The following ERICH1 variants were observed in gnomAD, a reference collection of about 807,000 sequenced individuals.
The protein encoded by ERICH1 is glutamate rich 1.
ERICH1 carries 56 observed loss-of-function variants against 39.6 expected under a neutral mutation model. The observed-to-expected ratio is 1.41, with a 90% CI of 1.14 to 1.77. The LOEUF is 1.77. Ranked by LOEUF, ERICH1 falls within the 40% of genes most tolerant of loss-of-function variation. The pLI, the probability that ERICH1 is intolerant of heterozygous loss-of-function variation, is 0.00. For missense variants in ERICH1, 826 were observed against 575.4 expected (o/e 1.44, Z -4.45); for synonymous variants, 313 against 223.6 (o/e 1.40, Z -3.57).
At chr8:702,053 G>A (rs994860437) in intron 2 of ERICH1, among the ~76,000 whole-genome samples, 8 of 139,252 alleles carry the variant, frequency 5.7e-5, no homozygotes, top group South Asian at 4.6e-4. Flanking sequence ...CTCCAGCCTC[G>A]GTGACAGAGC....
chr8:708,691 T>TGTTG (rs55817321), intron 2 of ERICH1, among the ~76,000 whole-genome samples: 3 of 89,322 alleles, frequency 3.4e-5, no homozygotes, highest in African/African-American at 5.0e-5. Context: ...GTTTTTTTTT[T>TGTTG]TTTTTTTTTT....
intron 3 of ERICH1, among the ~76,000 whole-genome samples, chr8:683,960 G>A (rs987283395): frequency 6.6e-6 from 1 of 152,160 alleles, no homozygotes; most frequent in African/African-American, 2.4e-5. Context: ...GATTAGTTTT[G>A]AATAGGCTTG....
intron 3 of ERICH1, chr8:691,064 G>C (rs950693728): frequency 6.6e-6 from 1 of 152,338 alleles, no homozygotes. Flanking sequence ...GCAGCTGCAA[G>C]GCTGTGCTTG....
chr8:722,618 T>G (rs1817588285), intron 1 of ERICH1, among the ~76,000 whole-genome samples: 1 of 152,222 alleles, frequency 6.6e-6, no homozygotes, highest in Admixed American at 6.5e-5. Flanking sequence ...GTTGCTGAAT[T>G]TAAAATCTAA....
Position 668,734 on chromosome 8 carries a change from G to C in ERICH1, c.1122C>G (p.Asp374Glu). 1.2e-6 allele frequency: 2 copies of C among 1,613,734 alleles called. No homozygotes were observed. The highest frequency in any genetic ancestry group is 1.7e-6 in the Non-Finnish European group (2 of 1,179,892). ...ALADAAEELL[D>E]RLASHSMLPS... ...GCAGCATGCTGTGTGACGCAAGGCG[G>C]TCCAGCAGCTCCTCAGCGGCATCTG... The change falls in exon 5 of 6, where the codon GAC becomes GAG. Residue 374 changes from aspartate (D) to glutamate (E), a missense_variant. Asp to Glu is a conservative substitution (Grantham distance 45). Transcript: ENST00000262109.
rs1801882912 is a variant in ERICH1 at position 664,423 on chromosome 8, T to C, written c.*180A>G. 1.6e-6 allele frequency: 2 copies of C among 1,251,914 alleles called. No homozygotes were observed. The highest frequency in any genetic ancestry group is 7.7e-5 in the Admixed American group (2 of 26,096). The allele number at this position is 1,251,914 out of a possible 1,614,324, so 77.6% of individuals were successfully genotyped here. ...GCAAATAAGTGAAAAATTTCCATTT[T>C]ACCCCAATTTCTCATCTGAAGCCTC... On this transcript the variant is annotated 3_prime_UTR_variant, in exon 6 of 6. Transcript: ENST00000262109.
At chr8:726,055 C>A (rs192926202) in intron 1 of ERICH1, among the ~76,000 whole-genome samples, 5 of 152,182 alleles carry the variant, frequency 3.3e-5, no homozygotes, top group African/African-American at 1.2e-4. Context: ...TGACTCCTGT[C>A]CAGTTCTGCA....
intron 3 of ERICH1, among the ~76,000 whole-genome samples, chr8:688,720 G>A (rs567668254): frequency 6.6e-6 from 1 of 152,168 alleles, no homozygotes; most frequent in Non-Finnish European, 1.5e-5. Flanking sequence ...ACCACAAACT[G>A]GAGGTCAAAG....
intron 3 of ERICH1, among the ~76,000 whole-genome samples, chr8:684,834 A>C (rs1209586758): frequency 6.6e-6 from 1 of 152,190 alleles, no homozygotes; most frequent in Non-Finnish European, 1.5e-5. Context: ...AGCGATTTTC[A>C]AAGGGGAGGG....
Position 644,443 on chromosome 8 carries a change from G to A in ERICH1, c.976+24155C>T, listed in dbSNP as rs1186705148. Among the ~76,000 whole-genome samples the A allele has an allele frequency of 7.9e-4, 12 of 15,252 alleles. 5 individuals are homozygous for A. The highest frequency in any genetic ancestry group is 6.3e-3 in the Admixed American group (12 of 1,898). 10.0% of individuals were successfully genotyped at this position (15,252 alleles called of 152,430 possible). On this transcript the variant is annotated intron_variant, in intron 3 of 3. Transcript: ENST00000522706. ...TTACTATGAAAGAGGAGACTTACCC[G>A]TGAGAGTCAAATAGCACAACCCATT...
In ERICH1 at chr8:620,295, G is replaced by C. The variant is rs554642913; in HGVS notation, c.977-5011C>G. ...CCACTGCACTCCAGCCTGGGCAACA[G>C]AGTGAGACTCTGTCTCAAAAAATAA... On this transcript the variant is annotated intron_variant, in intron 3 of 3. Coordinates refer to the ERICH1 transcript ENST00000522706. Among the ~76,000 whole-genome samples, 8 of 152,304 alleles carry C rather than the reference G, an allele frequency of 5.3e-5. No homozygotes were observed. The East Asian group carries it at 7.7e-4, about 15-fold the overall frequency.
chr8:702,165 TGGTAAGACAAGCTCCGCAGAAACACG>T (rs970742271), intron 2 of ERICH1, among the ~76,000 whole-genome samples: 2 of 150,322 alleles, frequency 1.3e-5, no homozygotes, highest in African/African-American at 4.9e-5. Context: ...CCCCGGAAAT[TGGTAAGACAAGCTCCGCAGAAACACG>T]GGCAAAGGCA....
intron 3 of ERICH1, among the ~76,000 whole-genome samples, chr8:687,323 T>C (rs1055713320): frequency 1.3e-5 from 2 of 152,202 alleles, no homozygotes; most frequent in East Asian, 1.9e-4. Flanking sequence ...TTTTTATACA[T>C]AATCATTCAA....
At chr8:679,350 C>T (rs1805588041) in intron 3 of ERICH1, among the ~76,000 whole-genome samples, 1 of 149,438 alleles carries the variant, frequency 6.7e-6, no homozygotes, top group African/African-American at 2.5e-5. Context: ...AGCTCCCACC[C>T]CTCACAAAAG....
chr8:701,220 G>A (rs898268323), intron 2 of ERICH1, among the ~76,000 whole-genome samples: 2 of 152,104 alleles, frequency 1.3e-5, no homozygotes, highest in East Asian at 1.9e-4. Context: ...CCTGCTGGAC[G>A]GGAGCACGCC....
Position 731,204 on chromosome 8 carries a change from G to C in ERICH1, c.-43C>G. ...ACCTCAGACCACGGCGCGCGGTCCT[G>C]AGCTGAGCGCCGTGCCTTCCGGGTT... On this transcript the variant is annotated 5_prime_UTR_variant, in exon 1 of 6. Transcript: ENST00000262109. 1.4e-6 allele frequency: 2 copies of C among 1,457,384 alleles called. No homozygotes were observed. Among genetic ancestry groups the C allele is most frequent in the African/African-American group, 1.5e-5 (1 of 68,416 alleles). The allele number at this position is 1,457,384 out of a possible 1,614,324, so 90.3% of individuals were successfully genotyped here. A position where few individuals can be genotyped will look rare whatever the true frequency, so the allele number is the denominator to read the frequency against.
chr8:627,170 C>T, intron 3 of ERICH1: 4 of 456,298 alleles, frequency 8.8e-6, no homozygotes, highest in South Asian at 6.2e-5. Flanking sequence ...TCTGAGCTCA[C>T]ATGTAGCCAC....
chr8:622,433 C>A (rs550729271), intron 3 of ERICH1, among the ~76,000 whole-genome samples: 1 of 152,080 alleles, frequency 6.6e-6, no homozygotes, highest in Non-Finnish European at 1.5e-5. Flanking sequence ...CCTTCTGCTA[C>A]GTTGAGGATG....
chr8:660,622 G>T (rs1484315686), downstream of ERICH1, among the ~76,000 whole-genome samples: 1 of 152,182 alleles, frequency 6.6e-6, no homozygotes, highest in Non-Finnish European at 1.5e-5. Context: ...AAGCCACTAT[G>T]CCTGTGGTCA....
Sources: gnomAD v4.1 joint callset for allele counts (sites outside exome capture counted in the v4.1 genomes callset) on GRCh38, gnomAD v4.1.1 for gene constraint, MANE v1.5 for transcripts, NCBI Gene and HGNC (gene_info 2026-07-23, HGNC 2026-07-21) for gene names.